Variants in SHROOM4 observed in about 807,000 individuals in gnomAD.
The protein encoded by SHROOM4 is protein Shroom4.
SHROOM4 carries 17 observed loss-of-function variants against 80.3 expected under a neutral mutation model. The ratio of observed to expected loss-of-function variants is 0.21; its 90% CI spans 0.14 to 0.32. SHROOM4 has a LOEUF of 0.32. Among genes scored for constraint, SHROOM4 ranks in the 10% least tolerant of loss-of-function variants. The pLI, the probability that SHROOM4 is intolerant of heterozygous loss-of-function variation, is 1.00. For synonymous variants in SHROOM4, 400 were observed against 437.5 expected, an observed-to-expected ratio of 0.91 and a Z score of 1.07; for missense variants, 993 against 1,140.3, an observed-to-expected ratio of 0.87 and a Z score of 1.86.
chrX:50,791,885 C>T (rs189290804), intron 1 of SHROOM4, among the ~76,000 whole-genome samples: 15 of 110,353 alleles, frequency 1.4e-4, no homozygotes, highest in Non-Finnish European at 2.8e-4. Flanking sequence ...AGAGACAGCC[C>T]CAAAATAAAC....
chrX:50,652,866 C>A (rs1273176276), intron 2 of SHROOM4, among the ~76,000 whole-genome samples: 2 of 111,715 alleles, frequency 1.8e-5, no homozygotes, highest in Non-Finnish European at 3.8e-5. Flanking sequence ...TGTCAAAGAT[C>A]AGATTGTTGT....
chrX:50,657,320 G>A (rs781842845), intron 2 of SHROOM4, among the ~76,000 whole-genome samples: 166 of 111,359 alleles, frequency 1.5e-3, no homozygotes, highest in African/African-American at 4.9e-3. Flanking sequence ...GGGTGCCCTT[G>A]TCTTGTTCCC....
chrX:50,615,161 A>G (rs1364367041), intron 5 of SHROOM4, among the ~76,000 whole-genome samples: 1 of 108,529 alleles, frequency 9.2e-6, no homozygotes, highest in African/African-American at 3.3e-5. Flanking sequence ...TACTTTTTTC[A>G]ATTAAAAATT....
intron 2 of SHROOM4, among the ~76,000 whole-genome samples, chrX:50,673,224 T>C (rs1052361773): frequency 8.9e-6 from 1 of 111,853 alleles, no homozygotes; most frequent in Non-Finnish European, 1.9e-5. Flanking sequence ...CTGATGTGGT[T>C]CTAAATGTAT....
chrX:50,651,194 A>C (rs1219100813), intron 2 of SHROOM4, among the ~76,000 whole-genome samples: 1 of 112,236 alleles, frequency 8.9e-6, no homozygotes, highest in Non-Finnish European at 1.9e-5. Flanking sequence ...AGAGGGAACA[A>C]AAGTACAAGA....
chrX:50,748,056 C>T (rs1934814491), intron 1 of SHROOM4, among the ~76,000 whole-genome samples: 1 of 112,004 alleles, frequency 8.9e-6, no homozygotes, highest in Admixed American at 9.5e-5. Flanking sequence ...AAACTGGAAG[C>T]TTATACTGAT....
chrX:50,676,512 T>C (rs1932856353), intron 2 of SHROOM4, among the ~76,000 whole-genome samples: 1 of 111,179 alleles, frequency 9.0e-6, no homozygotes, highest in African/African-American at 3.3e-5. Flanking sequence ...AGTGGCTATT[T>C]CTAAGGGCTT....
intron 1 of SHROOM4, among the ~76,000 whole-genome samples, chrX:50,813,364 G>T (rs782130818): frequency 2.1e-4 from 23 of 111,924 alleles, no homozygotes; most frequent in African/African-American, 7.4e-4. Flanking sequence ...ATGTGTGCGC[G>T]TCCGGCCGTG....
rs183402788 is a variant in SHROOM4, at chrX:50,805,549, A to T, written c.117+8353T>A. On this transcript the variant is annotated intron_variant, in intron 1 of 8. Coordinates refer to ENST00000376020, the MANE Select transcript of SHROOM4 (RefSeq NM_020717.5). ...GTTAACAGACCATGTCCTCCCTGAG[A>T]ACATACCAGGAAACAGCCACTTCTA... 4.2e-4 allele frequency among the ~76,000 whole-genome samples: 47 copies of T among 111,878 alleles called. No individual in the cohort carries two copies. In the East Asian group the frequency reaches 0.013, roughly 30 times the overall value.
At chrX:50,658,633 T>C (rs1932392225) in intron 2 of SHROOM4, among the ~76,000 whole-genome samples, 1 of 111,617 alleles carries the variant, frequency 9.0e-6, no homozygotes, top group Non-Finnish European at 1.9e-5. Context: ...TCCTTGTTCT[T>C]AACCACTATT....
Position 50,587,090 on chromosome X carries a change from CCT to C in SHROOM4, c.*9603_*9604del, listed in dbSNP as rs1390878041. ...TCCTCATTTCTTCCACCTCCATCCC[CCT>C]GTGTGTTTGACTTTTTTAGCTTCCA... On this transcript the variant is annotated 3_prime_UTR_variant, in exon 9 of 9. Coordinates refer to ENST00000376020, the MANE Select transcript of SHROOM4 (RefSeq NM_020717.5). Among the ~76,000 whole-genome samples the C allele has an allele frequency of 7.2e-5, 8 of 111,837 alleles. No homozygotes were observed. The highest frequency in any genetic ancestry group is 9.7e-5 in the African/African-American group (3 of 30,786).
intron 7 of SHROOM4, among the ~76,000 whole-genome samples, chrX:50,600,547 T>C (rs1466147167): frequency 8.9e-6 from 1 of 112,406 alleles, no homozygotes; most frequent in Admixed American, 9.4e-5. Flanking sequence ...ATGTTTAGAA[T>C]AGTATCTTGT....
At chrX:50,650,326 C>G (rs980951354) in intron 2 of SHROOM4, among the ~76,000 whole-genome samples, 1 of 111,707 alleles carries the variant, frequency 9.0e-6, no homozygotes, top group Non-Finnish European at 1.9e-5. Flanking sequence ...ATTTTATACA[C>G]CACACATGTA....
At chrX:50,631,957 T>C (rs145897380) in intron 4 of SHROOM4, among the ~76,000 whole-genome samples, 1,526 of 112,179 alleles carry the variant, frequency 0.014, 18 homozygotes, top group Middle Eastern at 0.06. Context: ...AAGTTTAATA[T>C]TTGTTTACAA....
chrX:50,782,576 T>C (rs142610529), intron 1 of SHROOM4, among the ~76,000 whole-genome samples: 3,358 of 111,848 alleles, frequency 0.03, 122 homozygotes, highest in African/African-American at 0.1. Flanking sequence ...AGAAGTTACA[T>C]AGTGAAAACA....
At chrX:50,605,014 T>C (rs782524762) in intron 6 of SHROOM4, among the ~76,000 whole-genome samples, 1 of 112,265 alleles carries the variant, frequency 8.9e-6, no homozygotes, top group South Asian at 3.7e-4. Flanking sequence ...TTAGGATATC[T>C]TTGTTTGCAT....
At chrX:50,580,609 T>C in the SHROOM4 span, among the ~76,000 whole-genome samples, 4 of 112,087 alleles carry the variant, frequency 3.6e-5, no homozygotes, top group Admixed American at 1.9e-4. Context: ...CCTGCATAGA[T>C]TGAATGTACC....
chrX:50,642,926 A>G (rs910068756), intron 2 of SHROOM4, among the ~76,000 whole-genome samples: 1 of 111,975 alleles, frequency 8.9e-6, no homozygotes, highest in Non-Finnish European at 1.9e-5. Flanking sequence ...TCCAAGGAAG[A>G]GTCTATCTGA....
chrX:50,577,323 CTA>C, the SHROOM4 span, among the ~76,000 whole-genome samples: 1 of 112,898 alleles, frequency 8.9e-6, no homozygotes, highest in Non-Finnish European at 1.9e-5. Flanking sequence ...ACTCACTATT[CTA>C]TGTTTTATTT....
Sources: gnomAD v4.1 joint callset for allele counts (sites outside exome capture counted in the v4.1 genomes callset) on GRCh38, gnomAD v4.1.1 for gene constraint, MANE v1.5 for transcripts, NCBI Gene and HGNC (gene_info 2026-07-23, HGNC 2026-07-21) for gene names.